Variants in HS6ST1 observed in about 807,000 individuals in gnomAD.
HS6ST1 encodes heparan-sulfate 6-O-sulfotransferase 1.
HS6ST1 carries 3 observed loss-of-function variants against 25.2 expected under a neutral mutation model. That is an observed-to-expected ratio of 0.12 (90% CI 0.05 to 0.31). HS6ST1 has a LOEUF of 0.31. Among genes scored for constraint, HS6ST1 ranks in the 10% least tolerant of loss-of-function variants. The pLI, the probability that HS6ST1 is intolerant of heterozygous loss-of-function variation, is 1.00. For missense variants in HS6ST1, 310 were observed against 609.6 expected (o/e 0.51, Z 5.18); for synonymous variants, 204 against 275.1 (o/e 0.74, Z 2.56).
chr2:128,290,115 A>G (rs1248669316), intron 1 of HS6ST1: 2 of 152,186 alleles, frequency 1.3e-5, no homozygotes. Context: ...TCACAAGCAC[A>G]AATATTGCAA....
At chr2:128,299,627 T>C (rs1558877625) in intron 1 of HS6ST1, among the ~76,000 whole-genome samples, 1 of 152,182 alleles carries the variant, frequency 6.6e-6, no homozygotes, top group South Asian at 2.1e-4. Context: ...AGTGGATCTC[T>C]GTCTTTGAAG....
chr2:128,268,868 T>G lies in HS6ST1; in HGVS notation c.530A>C (p.Lys177Thr). The G allele has an allele frequency of 6.2e-7, 1 of 1,607,206 alleles. No homozygotes were observed. The highest frequency in any genetic ancestry group is 8.5e-7 in the Non-Finnish European group (1 of 1,179,578). Reference sequence around the variant, plus strand: ...TCGTAGCAGGGTGATGTAGTAGAACTTCCTGCAAGGAGACGGGGAGAGGAG... The same window carrying G: ...TCGTAGCAGGGTGATGTAGTAGAACGTCCTGCAAGGAGACGGGGAGAGGAG... Reference protein sequence around the residue: ...RDSAALRTPRKFYYITLLRDP... With the variant: ...RDSAALRTPRTFYYITLLRDP... The change falls in exon 2 of 2, where the codon AAG (lysine) becomes ACG (threonine). Residue 177 changes from lysine to threonine, a missense_variant and splice_region_variant. Physicochemically the swap from Lys to Thr is moderately conservative, Grantham distance 78. This residue lies in a region of HS6ST1 where 98 missense variants were observed against 270.3 expected (regional missense o/e 0.36). Coordinates refer to ENST00000259241, the MANE Select transcript of HS6ST1 (RefSeq NM_004807.3).
At chr2:128,290,874 A>G (rs955176668) in intron 1 of HS6ST1, among the ~76,000 whole-genome samples, 1 of 151,652 alleles carries the variant, frequency 6.6e-6, no homozygotes, top group African/African-American at 2.4e-5. Context: ...ACGCACCTAT[A>G]AAGAGGCTGA....
intron 1 of HS6ST1, among the ~76,000 whole-genome samples, chr2:128,278,413 G>A (rs1486016077): frequency 6.6e-6 from 1 of 152,226 alleles, no homozygotes; most frequent in Non-Finnish European, 1.5e-5. Context: ...CGAAGGAGGG[G>A]CACAGGAGAT....
intron 1 of HS6ST1, among the ~76,000 whole-genome samples, chr2:128,287,368 CT>C (rs1246020631): frequency 1.2e-4 from 19 of 152,320 alleles, no homozygotes; most frequent in East Asian, 5.8e-4. Context: ...GCTGCCCCCC[CT>C]ACTCAGTGAG....
intron 1 of HS6ST1, among the ~76,000 whole-genome samples, chr2:128,310,616 G>A (rs960873632): frequency 2.0e-5 from 3 of 152,116 alleles, no homozygotes; most frequent in Admixed American, 6.5e-5. Flanking sequence ...GGGGTAGGAT[G>A]TGTGTGGTCT....
At chr2:128,310,211 C>T (rs1471596598) in intron 1 of HS6ST1, among the ~76,000 whole-genome samples, 1 of 152,228 alleles carries the variant, frequency 6.6e-6, no homozygotes, top group Admixed American at 6.5e-5. Flanking sequence ...CTGCCCTCCA[C>T]CGCAGCCTCA....
chr2:128,292,019 CCG>C (rs1401421550), intron 1 of HS6ST1, among the ~76,000 whole-genome samples: 3 of 148,432 alleles, frequency 2.0e-5, no homozygotes, highest in African/African-American at 7.9e-5. Flanking sequence ...GGGGAAGGGT[CCG>C]GCTCAGGAGA....
At chr2:128,271,020 A>G (rs1693601832) in intron 1 of HS6ST1, among the ~76,000 whole-genome samples, 1 of 152,182 alleles carries the variant, frequency 6.6e-6, no homozygotes, top group Admixed American at 6.5e-5. Flanking sequence ...CCATTCAGGG[A>G]CCATCCCCTG....
At chr2:128,276,772 C>T (rs936880560) in intron 1 of HS6ST1, among the ~76,000 whole-genome samples, 20 of 152,188 alleles carry the variant, frequency 1.3e-4, no homozygotes, top group Middle Eastern at 3.4e-3. Context: ...CAGAGCTCCC[C>T]GCCAGTCTCT....
intron 1 of HS6ST1, among the ~76,000 whole-genome samples, chr2:128,272,729 T>G (rs982563307): frequency 6.6e-6 from 1 of 152,152 alleles, no homozygotes; most frequent in African/African-American, 2.4e-5. Flanking sequence ...TTTTTGTGTG[T>G]GAGCCACTTA....
intron 1 of HS6ST1, among the ~76,000 whole-genome samples, chr2:128,286,514 GC>G (rs1327134395): frequency 6.6e-6 from 1 of 152,176 alleles, no homozygotes; most frequent in East Asian, 1.9e-4. Flanking sequence ...GCCGGGCAGG[GC>G]CCCTGGGAGC....
At chr2:128,314,902 C>T (rs1418944989) in intron 1 of HS6ST1, among the ~76,000 whole-genome samples, 1 of 152,222 alleles carries the variant, frequency 6.6e-6, no homozygotes, top group Non-Finnish European at 1.5e-5. Flanking sequence ...CTTGACCATG[C>T]CTGTTCTTGC....
intron 1 of HS6ST1, among the ~76,000 whole-genome samples, chr2:128,317,458 C>T (rs1280975032): frequency 6.6e-6 from 1 of 152,230 alleles, no homozygotes; most frequent in Non-Finnish European, 1.5e-5. Context: ...CCTCCCCGCC[C>T]CCAGCCCCAG....
chr2:128,288,798 C>T (rs570137785), intron 1 of HS6ST1, among the ~76,000 whole-genome samples: 1 of 152,094 alleles, frequency 6.6e-6, no homozygotes, highest in South Asian at 2.1e-4. Flanking sequence ...TCCAAAGCCA[C>T]AGGATCATCA....
At chr2:128,307,372 TC>T (rs1376638999) in intron 1 of HS6ST1, among the ~76,000 whole-genome samples, 25 of 152,048 alleles carry the variant, frequency 1.6e-4, no homozygotes, top group Admixed American at 1.6e-3. Flanking sequence ...GGTTCAGAGG[TC>T]AGCAGGCATA....
chr2:128,285,956 G>T (rs1428216527), intron 1 of HS6ST1, among the ~76,000 whole-genome samples: 1 of 152,224 alleles, frequency 6.6e-6, no homozygotes, highest in African/African-American at 2.4e-5. Context: ...TCAGATGGAT[G>T]AACAGGTGGG....
chr2:128,308,623 G>T (rs1671484165), intron 1 of HS6ST1, among the ~76,000 whole-genome samples: 1 of 152,194 alleles, frequency 6.6e-6, no homozygotes, highest in Non-Finnish European at 1.5e-5. Flanking sequence ...GGAGATCCTG[G>T]TAGAGACAGC....
At chr2:128,316,525 A>G (rs1694365135) in intron 1 of HS6ST1, among the ~76,000 whole-genome samples, 1 of 152,114 alleles carries the variant, frequency 6.6e-6, no homozygotes, top group African/African-American at 2.4e-5. Flanking sequence ...AAGCTGGACC[A>G]GGGTTAGGGG....
Sources: gnomAD v4.1 joint callset for allele counts (sites outside exome capture counted in the v4.1 genomes callset) on GRCh38, gnomAD v4.1.1 for gene constraint, gnomAD v4.1.1 regional missense constraint, MANE v1.5 for transcripts, NCBI Gene and HGNC (gene_info 2026-07-23, HGNC 2026-07-21) for gene names.